SLC12A2: variants seen among roughly 807,000 people sequenced by gnomAD.
The protein encoded by SLC12A2 is Na-K-2Cl cotransporter 1.
A neutral mutation model predicts 136.3 loss-of-function variants in SLC12A2; 67 were observed. The ratio of observed to expected loss-of-function variants is 0.49; its 90% CI spans 0.40 to 0.60. The LOEUF (loss-of-function observed/expected upper bound fraction) is 0.60, where lower values mean the gene tolerates loss of function less well. Among genes scored for constraint, SLC12A2 ranks in the 20% least tolerant of loss-of-function variants. The probability of loss-of-function intolerance (pLI) is 0.00; values close to 1 mark genes in which losing one functional copy is unlikely to be tolerated. For synonymous variants in SLC12A2, 619 were observed against 562.9 expected (o/e 1.10, Z -1.41); for missense variants, 1,322 against 1,534.7 (o/e 0.86, Z 2.32).
intron 7 of SLC12A2, among the ~76,000 whole-genome samples, chr5:128,137,434 G>T (rs904294235): frequency 2.0e-5 from 3 of 151,988 alleles, no homozygotes; most frequent in Non-Finnish European, 4.4e-5. Context: ...TATTTGCTTA[G>T]CCTTCTGTAA....
chr5:128,148,941 TATTAA>T, intron 12 of SLC12A2, 64 bp downstream of exon 12: 4 of 1,286,436 alleles, frequency 3.1e-6, no homozygotes, highest in Middle Eastern at 2.0e-4. Flanking sequence ...GACGTTGAAT[TATTAA>T]ATTATTAACA....
intron 1 of SLC12A2, among the ~76,000 whole-genome samples, chr5:128,085,852 C>G (rs969681140): frequency 6.6e-6 from 1 of 152,190 alleles, no homozygotes; most frequent in African/African-American, 2.4e-5. Flanking sequence ...AGAGCTCTTA[C>G]AGCTTATTGA....
At chr5:128,120,185 C>T (rs988100941) in intron 4 of SLC12A2, among the ~76,000 whole-genome samples, 6 of 151,948 alleles carry the variant, frequency 3.9e-5, no homozygotes, top group African/African-American at 1.5e-4. Context: ...GTTAGAATGG[C>T]AATCATTAAA....
chr5:128,114,307 G>A lies in SLC12A2; in HGVS notation c.952+20G>A, dbSNP rs1042319096. 1.3e-6 allele frequency: 2 copies of A among 1,584,568 alleles called. No individual in the cohort carries two copies. Among genetic ancestry groups the A allele is most frequent in the African/African-American group, 2.7e-5 (2 of 74,148 alleles). On this transcript the variant is annotated intron_variant, in intron 3 of 26. Transcript: ENST00000262461. ...GAATAGGTAAGTGAAGTTATATCCT[G>A]CTTGATTTGAGAATAAGCAAAATAA...
At chr5:128,128,658 C>T (rs1422008828) in intron 4 of SLC12A2, among the ~76,000 whole-genome samples, 2 of 151,950 alleles carry the variant, frequency 1.3e-5, no homozygotes, top group Non-Finnish European at 2.9e-5. Flanking sequence ...CCTCCCTGAG[C>T]TGTAATTTTC....
At chr5:128,106,049 C>G (rs1357905396) in intron 1 of SLC12A2, among the ~76,000 whole-genome samples, 1 of 152,114 alleles carries the variant, frequency 6.6e-6, no homozygotes, top group Non-Finnish European at 1.5e-5. Flanking sequence ...CCTTTCTTCC[C>G]CCTTTTTTTC....
chr5:128,146,298 C>T (rs941742720), intron 10 of SLC12A2, among the ~76,000 whole-genome samples: 2 of 151,728 alleles, frequency 1.3e-5, no homozygotes, highest in Admixed American at 1.3e-4. Context: ...TATTTCTCCA[C>T]TTGTCCCAGT....
chr5:128,186,226 C>A (rs1763864087), intron 26 of SLC12A2, among the ~76,000 whole-genome samples: 1 of 152,060 alleles, frequency 6.6e-6, no homozygotes, highest in Non-Finnish European at 1.5e-5. Context: ...GTAGGCTATA[C>A]CATCTAGGTT....
At chr5:128,106,364 A>G (rs986099984) in intron 1 of SLC12A2, among the ~76,000 whole-genome samples, 1 of 152,118 alleles carries the variant, frequency 6.6e-6, no homozygotes, top group African/African-American at 2.4e-5. Context: ...TACAGTTTTT[A>G]TACTTTTTTG....
At chr5:128,092,380 A>G (rs536322875) in intron 1 of SLC12A2, among the ~76,000 whole-genome samples, 1 of 152,262 alleles carries the variant, frequency 6.6e-6, no homozygotes, top group East Asian at 1.9e-4. Flanking sequence ...ACGGTCTTGG[A>G]AAGAGGTAGG....
intron 1 of SLC12A2, among the ~76,000 whole-genome samples, chr5:128,104,648 A>AATATATAT (rs1554103101): frequency 1.4e-5 from 2 of 141,498 alleles, no homozygotes; most frequent in Non-Finnish European, 3.0e-5. Flanking sequence ...AAGAAAAAAA[A>AATATATAT]ATATATATAT....
At chr5:128,087,923 G>A (rs1041006525) in intron 1 of SLC12A2, among the ~76,000 whole-genome samples, 8 of 151,702 alleles carry the variant, frequency 5.3e-5, no homozygotes, top group African/African-American at 1.9e-4. Context: ...TTTGGTGGTT[G>A]GGAGAAGTTT....
At chr5:128,182,753 A>T in intron 23 of SLC12A2, 102 bp from the exon 24 acceptor site, 1 of 755,120 alleles carries the variant, frequency 1.3e-6, no homozygotes, top group Admixed American at 2.6e-5. Flanking sequence ...TTAGCATATG[A>T]TAGACTGACT....
Position 128,187,838 on chromosome 5 carries a change from A to G in SLC12A2, c.*1207A>G, listed in dbSNP as rs866097730. ...AATGTCTGTTTTGACATCATAGTCT[A>G]GTAAAATTTTGACAGTGCATATGTA... is the stretch of plus-strand genomic sequence containing the variant. On this transcript the variant is annotated 3_prime_UTR_variant, in exon 27 of 27. Coordinates refer to ENST00000262461, the MANE Select transcript of SLC12A2 (RefSeq NM_001046.3). The G allele has an allele frequency of 1.3e-5, 2 of 152,748 alleles. No homozygotes were observed. Among genetic ancestry groups the G allele is most frequent in the Middle Eastern group, 3.4e-3 (1 of 294 alleles). 9.5% of individuals were successfully genotyped at this position (152,748 alleles called of 1,614,324 possible).
chr5:128,124,058 T>A (rs1292691988), intron 4 of SLC12A2, among the ~76,000 whole-genome samples: 1 of 152,222 alleles, frequency 6.6e-6, no homozygotes, highest in East Asian at 1.9e-4. Context: ...CCTTTGTGCT[T>A]TTCTCAGAAA....
chr5:128,084,116 C>A lies in SLC12A2; in HGVS notation c.162C>A (p.Gly54=). ...CTGCGCCCGCGAGCCGGGACGGCGG[C>A]GGGGTCCGCGATGAGGGCCCCGCGG... is the stretch of plus-strand genomic sequence containing the variant. ...EDAAPASRDG[G]GVRDEGPAAA... Residue 54 remains glycine, a synonymous_variant, in exon 1 of 27, where the codon GGC becomes GGA. Coordinates refer to ENST00000262461, the MANE Select transcript of SLC12A2 (RefSeq NM_001046.3). The surrounding 1 kb of genome is among the most constrained non-coding windows in gnomAD (Gnocchi z 5.6). 7.7e-7 allele frequency: 1 copy of A among 1,306,390 alleles called. No homozygotes were observed. The highest frequency in any genetic ancestry group is 9.7e-7 in the Non-Finnish European group (1 of 1,032,156). 80.9% of individuals were successfully genotyped at this position (1,306,390 alleles called of 1,614,324 possible).
chr5:128,092,493 G>A (rs1760369687), intron 1 of SLC12A2, among the ~76,000 whole-genome samples: 1 of 152,100 alleles, frequency 6.6e-6, no homozygotes, highest in Admixed American at 6.5e-5. Flanking sequence ...TATCAGTGCT[G>A]TCCGATAGAA....
At chr5:128,134,047 C>T (rs548522347) in intron 5 of SLC12A2, 118 bp from the exon 6 acceptor site, 7 of 570,508 alleles carry the variant, frequency 1.2e-5, no homozygotes, top group Non-Finnish European at 1.9e-5. Flanking sequence ...CTTAAGCAAC[C>T]ATTTATTCAA....
intron 1 of SLC12A2, among the ~76,000 whole-genome samples, chr5:128,112,165 G>A (rs1185511056): frequency 6.6e-6 from 1 of 152,096 alleles, no homozygotes; most frequent in Non-Finnish European, 1.5e-5. Context: ...AAAGAATTAT[G>A]GAATCAGCTA....
Sources: gnomAD v4.1 joint callset for allele counts (sites outside exome capture counted in the v4.1 genomes callset) on GRCh38, gnomAD v4.1.1 for gene constraint, Gnocchi (gnomAD v3.1) non-coding constraint, MANE v1.5 for transcripts, NCBI Gene and HGNC (gene_info 2026-07-23, HGNC 2026-07-21) for gene names.